The following MTA1 variants were observed in gnomAD, a reference collection of about 807,000 sequenced individuals.
MTA1 encodes metastasis-associated protein MTA1.
In MTA1, 15 loss-of-function variants were observed where a neutral mutation model predicts 97.0. The observed-to-expected ratio is 0.15, with a 90% CI of 0.10 to 0.24. MTA1 has a LOEUF of 0.24. Ranked by LOEUF, MTA1 falls within the 10% of genes least tolerant of loss-of-function variation. MTA1 has a pLI of 1.00. For missense variants in MTA1, 709 were observed against 1,015.1 expected (o/e 0.70, Z 4.10); for synonymous variants, 435 against 417.5 (o/e 1.04, Z -0.51).
At chr14:105,440,559 GGGCTGGCT>G (rs2082477187) in intron 2 of MTA1, among the ~76,000 whole-genome samples, 1 of 152,262 alleles carries the variant, frequency 6.6e-6, no homozygotes, top group Admixed American at 6.5e-5. Context: ...TGCAGGCAGG[GGGCTGGCT>G]TCCAGCCCTT....
At chr14:105,433,175 T>C (rs1383778077) in intron 1 of MTA1, among the ~76,000 whole-genome samples, 1 of 152,196 alleles carries the variant, frequency 6.6e-6, no homozygotes, top group Non-Finnish European at 1.5e-5. Context: ...AGGGGTGGGC[T>C]TCCGGCGTCT....
In MTA1 at chr14:105,434,676, T is replaced by C. The variant is rs375945610; in HGVS notation, c.29-3996T>C. ...ACCACACCCAGCTATTTTTTTTGTA[T>C]TTTTAGTGGAGATGGGGTAGCTCCA... On this transcript the variant is annotated intron_variant, in intron 1 of 20. Coordinates refer to ENST00000331320, the MANE Select transcript of MTA1 (RefSeq NM_004689.4). Among the ~76,000 whole-genome samples, 72 of 152,234 alleles carry C rather than the reference T, an allele frequency of 4.7e-4. 1 individual carries two copies. The South Asian group carries it at 7.5e-3, about 16-fold the overall frequency.
chr14:105,452,176 G>C (rs1476343754), intron 6 of MTA1, among the ~76,000 whole-genome samples: 1 of 152,238 alleles, frequency 6.6e-6, no homozygotes, highest in Non-Finnish European at 1.5e-5. Context: ...AGTACACTTA[G>C]CACCTGGCAG....
chr14:105,458,642 G>A (rs2141639286), intron 8 of MTA1, among the ~76,000 whole-genome samples: 1 of 152,262 alleles, frequency 6.6e-6, no homozygotes, highest in Non-Finnish European at 1.5e-5. Context: ...TCCCAGGATG[G>A]GCCAGAGGTG....
rs199738155 is a variant in MTA1, at chr14:105,463,574, C to T, written c.1076+23C>T. 9.1e-5 allele frequency: 147 copies of T among 1,611,918 alleles called. No homozygotes were observed. The highest frequency in any genetic ancestry group is 1.0e-4 in the Admixed American group (6 of 60,010). ...CTAGTAAGTGTGCCCTCACAGCCGT[C>T]GTCCTCGTGGCCCCGGGGGCCAGGG... On this transcript the variant is annotated intron_variant, in intron 12 of 20. Transcript: ENST00000331320. This position sits in a 1 kb window ranked among gnomAD's most constrained non-coding sequence, Gnocchi z 5.9.
rs75366693 is a variant in MTA1, at chr14:105,445,466, C to A, written c.145C>A (p.Arg49=). The change falls in exon 3 of 21, where the codon CGG becomes AGG. Residue 49 remains arginine (R), a synonymous_variant. Coordinates refer to ENST00000331320, the MANE Select transcript of MTA1 (RefSeq NM_004689.4). ...EAKVVCFYRR[R]DISSTLIALA... Reference sequence around the variant, plus strand: ...CAAAGTGGTGTGCTTCTACCGGAGGCGGGACATCTCCAGCACCCTCATCGC... The same window carrying A: ...CAAAGTGGTGTGCTTCTACCGGAGGAGGGACATCTCCAGCACCCTCATCGC... 8.5e-3 allele frequency: 13,701 copies of A among 1,613,614 alleles called. 1,077 individuals carry two copies. The African/African-American group carries it at 0.16, about 19-fold the overall frequency.
intron 15 of MTA1, 59 bp downstream of exon 15, chr14:105,464,922 A>T (rs1387144326): frequency 3.3e-5 from 49 of 1,499,778 alleles, no homozygotes; most frequent in Non-Finnish European, 4.1e-5. Flanking sequence ...AGAGAGCAGC[A>T]ACCTTGGGGC....
intron 10 of MTA1, 26 bp downstream of exon 10, chr14:105,460,979 G>C (rs373794957): frequency 8.8e-6 from 14 of 1,593,260 alleles, no homozygotes; most frequent in Non-Finnish European, 1.2e-5. Flanking sequence ...GGCGATGGGG[G>C]AGTGGCTGGC....
intron 9 of MTA1, 61 bp from the exon 10 acceptor site, chr14:105,460,704 C>T (rs2083316096): frequency 4.1e-6 from 6 of 1,475,470 alleles, no homozygotes; most frequent in Admixed American, 2.4e-5. Context: ...GAGGGGGTAC[C>T]GTGCCACAGG....
In MTA1 at chr14:105,463,396, C is replaced by T; in HGVS notation, c.1018-97C>T. 6.6e-7 allele frequency: 1 copy of T among 1,510,132 alleles called. No homozygotes were observed. The allele number at this position is 1,510,132 out of a possible 1,614,324, so 93.5% of individuals were successfully genotyped here. On this transcript the variant is annotated intron_variant, in intron 11 of 20. Coordinates refer to ENST00000331320, the MANE Select transcript of MTA1 (RefSeq NM_004689.4). This position sits in a 1 kb window ranked among gnomAD's most constrained non-coding sequence, Gnocchi z 5.9. Reference sequence around the variant, plus strand: ...TGAGTCCCTGGCCCGGCTGTCCTCTCCGTGGTGCTCTCCTCTCCGTAGCCT... The same window carrying T: ...TGAGTCCCTGGCCCGGCTGTCCTCTTCGTGGTGCTCTCCTCTCCGTAGCCT...
Position 105,464,579 on chromosome 14 carries a change from G to GA in MTA1, c.1344+13dup. The GA allele has an allele frequency of 9.9e-6, 16 of 1,612,510 alleles. No homozygotes were observed. Among genetic ancestry groups the GA allele is most frequent in the Non-Finnish European group, 1.4e-5 (16 of 1,179,718 alleles). ...ACCGCAGTAACATGGTAAGGGGGGG[G>GA]ACACCCGCCCTGCCTGCCATGAGCC... On this transcript the variant is annotated intron_variant, in intron 14 of 20. Transcript: ENST00000331320.
chr14:105,427,577 ATGT>A (rs1298729657), intron 1 of MTA1, among the ~76,000 whole-genome samples: 7 of 152,212 alleles, frequency 4.6e-5, no homozygotes, highest in East Asian at 1.9e-4. Context: ...GTTGCTGAAA[ATGT>A]TGTGACCAGA....
chr14:105,449,518 C>T, intron 4 of MTA1, 109 bp downstream of exon 4: 2 of 1,245,060 alleles, frequency 1.6e-6, no homozygotes, highest in Non-Finnish European at 2.2e-6. Flanking sequence ...CATGCCTGTG[C>T]CCTGCGCCCG....
At chr14:105,444,510 G>A (rs2098569652) in intron 2 of MTA1, among the ~76,000 whole-genome samples, 1 of 152,070 alleles carries the variant, frequency 6.6e-6, no homozygotes, top group Non-Finnish European at 1.5e-5. Context: ...AAAGTTAGGT[G>A]AGGCTGGGTG....
chr14:105,469,023 C>G (rs782400443), intron 18 of MTA1: 2 of 365,000 alleles, frequency 5.5e-6, no homozygotes, highest in Non-Finnish European at 5.5e-6. Context: ...CCGGGGCTGG[C>G]GGCTCTCTCA....
At position 105,463,703 on chromosome 14, in the gene MTA1, G is replaced by A. The variant is rs2083450703; in HGVS notation, c.1076+152G>A. ...CCGGGAGGGCGGCCCAGGGCTGGGGGGTTCTGGCTGCAGACGCAGTGGCCA... is the reference window on the plus strand; with the variant it reads ...CCGGGAGGGCGGCCCAGGGCTGGGGAGTTCTGGCTGCAGACGCAGTGGCCA... On this transcript the variant is annotated intron_variant, in intron 12 of 20. Coordinates refer to ENST00000331320, the MANE Select transcript of MTA1 (RefSeq NM_004689.4). This position sits in a 1 kb window ranked among gnomAD's most constrained non-coding sequence, Gnocchi z 5.9. 1.4e-6 allele frequency: 1 copy of A among 719,344 alleles called. No homozygotes were observed. The highest frequency in any genetic ancestry group is 2.3e-6 in the Non-Finnish European group (1 of 429,868). 44.6% of individuals were successfully genotyped at this position (719,344 alleles called of 1,614,324 possible).
At chr14:105,469,169 G>C (rs910811510) in intron 18 of MTA1, 8 of 618,666 alleles carry the variant, frequency 1.3e-5, no homozygotes, top group Admixed American at 4.3e-5. Flanking sequence ...AGGCAAGTGG[G>C]TGGACAGCCC....
intron 1 of MTA1, among the ~76,000 whole-genome samples, chr14:105,425,121 CCTT>C (rs1302473584): frequency 6.6e-6 from 1 of 152,194 alleles, no homozygotes; most frequent in African/African-American, 2.4e-5. Context: ...TGCAGGGCCT[CCTT>C]CCTCCTCCTG....
intron 2 of MTA1, among the ~76,000 whole-genome samples, chr14:105,441,212 G>A (rs587744163): frequency 5.8e-4 from 89 of 152,324 alleles, no homozygotes; most frequent in African/African-American, 4.8e-4. Context: ...CAGTTCGTGC[G>A]GGGGCTGGAA....
Sources: gnomAD v4.1 joint callset for allele counts (sites outside exome capture counted in the v4.1 genomes callset) on GRCh38, gnomAD v4.1.1 for gene constraint, Gnocchi (gnomAD v3.1) non-coding constraint, MANE v1.5 for transcripts, NCBI Gene and HGNC (gene_info 2026-07-23, HGNC 2026-07-21) for gene names.